Variants in ERC2 observed in about 807,000 individuals in gnomAD.
ERC2 encodes ELKS/RAB6-interacting/CAST family member 2.
Under a neutral mutation model 114.8 loss-of-function variants are expected in ERC2, and 42 were observed. The ratio of observed to expected loss-of-function variants is 0.37; its 90% CI spans 0.29 to 0.47. The LOEUF (loss-of-function observed/expected upper bound fraction) is 0.47. Among genes scored for constraint, ERC2 ranks in the 20% least tolerant of loss-of-function variants. The pLI is 0.99. For missense variants in ERC2, 939 were observed against 1,150.7 expected, an observed-to-expected ratio of 0.82 and a Z score of 2.66; for synonymous variants, 454 against 425.5, an observed-to-expected ratio of 1.07 and a Z score of -0.82.
intron 10 of ERC2, among the ~76,000 whole-genome samples, chr3:55,995,160 C>G (rs887084657): frequency 3.9e-5 from 6 of 152,094 alleles, no homozygotes; most frequent in African/African-American, 1.4e-4. Context: ...TGGTAACACC[C>G]CATCTCTACT....
intron 3 of ERC2, among the ~76,000 whole-genome samples, chr3:56,260,864 C>T (rs1261646728): frequency 1.3e-5 from 2 of 152,234 alleles, no homozygotes; most frequent in Non-Finnish European, 2.9e-5. Flanking sequence ...GACCCACAAC[C>T]CTTTAGTGGC....
chr3:56,147,401 A>G (rs749490160), intron 5 of ERC2, among the ~76,000 whole-genome samples: 27 of 152,208 alleles, frequency 1.8e-4, no homozygotes, highest in Middle Eastern at 3.4e-3. Context: ...CTCAACATCT[A>G]GTTAGAGATG....
chr3:55,585,091 C>T (rs2107583019), intron 17 of ERC2, among the ~76,000 whole-genome samples: 1 of 152,286 alleles, frequency 6.6e-6, no homozygotes, highest in East Asian at 1.9e-4. Context: ...CCGCTGTGGT[C>T]CCTAAGATTC....
rs188014862 is a variant in ERC2, at chr3:56,424,495, C to T, written c.657+9856G>A. The stretch of plus-strand genomic sequence containing the variant: ...ACATGGCTGATTCTAGGGCCGACTG[C>T]AAGAGATTACTGAGGCCAAAACCAG... On this transcript the variant is annotated intron_variant, in intron 2 of 17. Coordinates refer to ENST00000288221, the MANE Select transcript of ERC2 (RefSeq NM_015576.3). Among the ~76,000 whole-genome samples the T allele has an allele frequency of 3.9e-5, 6 of 152,308 alleles. No individual in the cohort carries two copies. In the East Asian group the frequency reaches 1.2e-3, roughly 29 times the overall value.
chr3:55,558,996 A>T (rs533021068), intron 17 of ERC2, among the ~76,000 whole-genome samples: 2 of 152,290 alleles, frequency 1.3e-5, no homozygotes, highest in South Asian at 4.1e-4. Context: ...AGGTCTGGAG[A>T]CACAGTTGGG....
At chr3:56,220,116 T>C (rs1294326957) in intron 3 of ERC2, among the ~76,000 whole-genome samples, 1 of 152,200 alleles carries the variant, frequency 6.6e-6, no homozygotes, top group Non-Finnish European at 1.5e-5. Flanking sequence ...GTGTCAGTAA[T>C]TGCCTTCTGT....
At chr3:55,831,665 C>T (rs1247070449) in intron 14 of ERC2, among the ~76,000 whole-genome samples, 1 of 152,186 alleles carries the variant, frequency 6.6e-6, no homozygotes, top group Non-Finnish European at 1.5e-5. Context: ...CGGTCTACAG[C>T]TCCCAGCATG....
chr3:55,656,935 T>A (rs555596418), intron 17 of ERC2, among the ~76,000 whole-genome samples: 2 of 152,288 alleles, frequency 1.3e-5, no homozygotes, highest in South Asian at 4.2e-4. Flanking sequence ...GTTGAAGTAG[T>A]CATGTAAGGG....
At chr3:56,162,959 A>T (rs192620361) in intron 4 of ERC2, among the ~76,000 whole-genome samples, 1 of 151,630 alleles carries the variant, frequency 6.6e-6, no homozygotes, top group Non-Finnish European at 1.5e-5. Flanking sequence ...GTGATGTTAG[A>T]TTGTTAATTT....
At chr3:55,846,317 G>T (rs2061360757) in intron 14 of ERC2, among the ~76,000 whole-genome samples, 2 of 152,138 alleles carry the variant, frequency 1.3e-5, no homozygotes, top group Non-Finnish European at 2.9e-5. Flanking sequence ...TTCCTGCAAA[G>T]GATATGATCT....
chr3:56,223,515 T>A (rs1416357234), intron 3 of ERC2, among the ~76,000 whole-genome samples: 4 of 36,846 alleles, frequency 1.1e-4, no homozygotes, highest in South Asian at 1.6e-3. Context: ...CAAAGAAAAA[T>A]GGCAAAAAAA....
At chr3:56,355,158 G>T (rs960208030) in intron 2 of ERC2, among the ~76,000 whole-genome samples, 1 of 152,130 alleles carries the variant, frequency 6.6e-6, no homozygotes, top group Non-Finnish European at 1.5e-5. Context: ...TTGTTCTGAA[G>T]CACATCAGAT....
intron 3 of ERC2, among the ~76,000 whole-genome samples, chr3:56,268,328 A>G (rs1427397401): frequency 6.6e-6 from 1 of 152,216 alleles, no homozygotes; most frequent in East Asian, 1.9e-4. Context: ...TATACTCTAC[A>G]ATGTTCACGC....
chr3:55,643,567 C>T (rs709335), intron 17 of ERC2, among the ~76,000 whole-genome samples: 64 of 152,190 alleles, frequency 4.2e-4, no homozygotes, highest in African/African-American at 8.9e-4. Flanking sequence ...TCACTTTCCT[C>T]GTCTGTAAGA....
In ERC2 at chr3:55,519,342, T is replaced by C. The variant is rs570363282; in HGVS notation, c.*40-8066A>G. 3.3e-5 allele frequency among the ~76,000 whole-genome samples: 5 copies of C among 152,338 alleles called. No individual in the cohort carries two copies. The East Asian group carries it at 5.8e-4, about 18-fold the overall frequency. On this transcript the variant is annotated intron_variant, in intron 17 of 17. Coordinates refer to ENST00000288221, the MANE Select transcript of ERC2 (RefSeq NM_015576.3). ...CTCAGCTCCATGAGAAAGGGGATACTTGACATCATCTGAAATGTAGCCCTG... is the reference window on the plus strand; with the variant it reads ...CTCAGCTCCATGAGAAAGGGGATACCTGACATCATCTGAAATGTAGCCCTG...
chr3:55,604,832 A>G (rs1186198313), intron 17 of ERC2, among the ~76,000 whole-genome samples: 1 of 152,042 alleles, frequency 6.6e-6, no homozygotes, highest in African/African-American at 2.4e-5. Context: ...TCCCTTTAAT[A>G]CCCCCACATC....
In ERC2 at chr3:56,336,936, C is replaced by T. The variant is rs143081383; in HGVS notation, c.658-40501G>A. The stretch of plus-strand genomic sequence containing the variant: ...AACTTAATAAAAAAGCTAAATACTA[C>T]CTCAAATCAATTGTAACCTAACTCC... On this transcript the variant is annotated intron_variant, in intron 2 of 17. Transcript: ENST00000288221. Among the ~76,000 whole-genome samples, 145 of 152,266 alleles carry T rather than the reference C, an allele frequency of 9.5e-4. 1 individual carries two copies. Among genetic ancestry groups the T allele is most frequent in the African/African-American group, 3.4e-3 (140 of 41,560 alleles).
chr3:56,165,644 C>T (rs1265595511), intron 4 of ERC2, among the ~76,000 whole-genome samples: 2 of 151,802 alleles, frequency 1.3e-5, no homozygotes, highest in Admixed American at 6.6e-5. Context: ...TAAATTAGGT[C>T]TTTTATAGCT....
chr3:55,581,269 G>A (rs1252096200), intron 17 of ERC2, among the ~76,000 whole-genome samples: 2 of 152,168 alleles, frequency 1.3e-5, no homozygotes, highest in East Asian at 3.8e-4. Context: ...AGGAAAGTAA[G>A]GGGGAAAGAA....
Sources: allele counts gnomAD v4.1 joint callset (sites outside exome capture counted in the v4.1 genomes callset), GRCh38; gene constraint gnomAD v4.1.1; transcripts MANE v1.5; gene names NCBI Gene and HGNC (gene_info 2026-07-23, HGNC 2026-07-21).